APP: variants seen among roughly 807,000 people sequenced by gnomAD.
APP encodes amyloid-beta precursor protein.
APP carries 31 observed loss-of-function variants against 101.4 expected under a neutral mutation model. The ratio of observed to expected loss-of-function variants is 0.31; its 90% CI spans 0.23 to 0.41. The LOEUF (loss-of-function observed/expected upper bound fraction) is 0.41, where lower values mean the gene tolerates loss of function less well. APP is among the 10% of genes least tolerant of loss of function. The pLI is 1.00. For synonymous variants in APP, 366 were observed against 364.4 expected (o/e 1.00, Z -0.05); for missense variants, 839 against 1,003.7 (o/e 0.84, Z 2.22).
chr21:26,164,742 G>C (rs1302369600), intron 1 of APP, among the ~76,000 whole-genome samples: 1 of 151,850 alleles, frequency 6.6e-6, no homozygotes, highest in African/African-American at 2.4e-5. Flanking sequence ...CATAGTCCCA[G>C]CTACTCAGGA....
At chr21:25,994,515 ATT>A (rs2042980802) in intron 8 of APP, among the ~76,000 whole-genome samples, 1 of 152,196 alleles carries the variant, frequency 6.6e-6, no homozygotes, top group Non-Finnish European at 1.5e-5. Context: ...ATGGCAAATT[ATT>A]GTTTTTATAA....
intron 9 of APP, among the ~76,000 whole-genome samples, chr21:25,980,301 G>C (rs1011229949): frequency 6.6e-6 from 1 of 152,192 alleles, no homozygotes; most frequent in South Asian, 2.1e-4. Flanking sequence ...CATGTGCCCA[G>C]AAGTGGATTT....
intron 8 of APP, among the ~76,000 whole-genome samples, chr21:25,994,812 T>C (rs1467692124): frequency 2.0e-5 from 3 of 152,248 alleles, no homozygotes; most frequent in African/African-American, 4.8e-5. Context: ...CAGATGACCA[T>C]GACTTTTTCA....
chr21:26,027,977 T>G (rs1361713425), intron 5 of APP, among the ~76,000 whole-genome samples: 2 of 151,770 alleles, frequency 1.3e-5, no homozygotes, highest in African/African-American at 4.8e-5. Flanking sequence ...GGCAGATCAC[T>G]TGGGGCCAGG....
intron 11 of APP, among the ~76,000 whole-genome samples, chr21:25,967,732 C>T (rs1163928494): frequency 1.3e-5 from 2 of 152,178 alleles, no homozygotes; most frequent in East Asian, 1.9e-4. Context: ...GGGAAAGGCT[C>T]AGACAGCATT....
chr21:26,109,781 T>C (rs1023360586), intron 2 of APP, among the ~76,000 whole-genome samples: 4 of 152,084 alleles, frequency 2.6e-5, no homozygotes, highest in African/African-American at 9.7e-5. Flanking sequence ...TACGTGAAAC[T>C]AAGGGAAGAA....
At chr21:26,131,252 T>C (rs887330000) in intron 1 of APP, among the ~76,000 whole-genome samples, 1 of 151,356 alleles carries the variant, frequency 6.6e-6, no homozygotes, top group Non-Finnish European at 1.5e-5. Flanking sequence ...AATAAATAAA[T>C]AAATTAATTA....
At chr21:26,003,815 C>T (rs879867636) in intron 6 of APP, among the ~76,000 whole-genome samples, 24 of 152,156 alleles carry the variant, frequency 1.6e-4, no homozygotes, top group Non-Finnish European at 3.1e-4. Context: ...TCTCACTTCC[C>T]AACACTTTCC....
chr21:26,047,610 A>AT (rs1043688167), intron 5 of APP, among the ~76,000 whole-genome samples: 3 of 152,214 alleles, frequency 2.0e-5, no homozygotes, highest in African/African-American at 4.8e-5. Context: ...ATCCAAACCA[A>AT]TTTTTTTAAA....
intron 17 of APP, among the ~76,000 whole-genome samples, chr21:25,891,092 T>C (rs751997657): frequency 2.0e-5 from 3 of 152,216 alleles, no homozygotes; most frequent in Admixed American, 6.5e-5. Context: ...CTTTCTCTCT[T>C]TCTTGTTTTA....
chr21:26,025,142 C>T lies in APP; in HGVS notation c.663-3100G>A, dbSNP rs113407022. On this transcript the variant is annotated intron_variant, in intron 5 of 17. Coordinates refer to ENST00000346798, the MANE Select transcript of APP (RefSeq NM_000484.4). ...TTTTTTGACTGCCCAAATTATTGCA[C>T]GAAAGTTTACTACGTGGGGCTACAT... Among the ~76,000 whole-genome samples the T allele has an allele frequency of 4.1e-3, 628 of 152,120 alleles. 8 individuals are homozygous for T. The highest frequency in any genetic ancestry group is 0.013 in the African/African-American group (559 of 41,474).
intron 1 of APP, among the ~76,000 whole-genome samples, chr21:26,157,652 C>T (rs1262139307): frequency 6.6e-6 from 1 of 152,168 alleles, no homozygotes; most frequent in African/African-American, 2.4e-5. Context: ...AGCATACTTT[C>T]TGTGACGTAT....
intron 6 of APP, among the ~76,000 whole-genome samples, chr21:26,003,665 G>A (rs1025981288): frequency 6.6e-6 from 1 of 152,214 alleles, no homozygotes; most frequent in African/African-American, 2.4e-5. Flanking sequence ...CAGCTACCTT[G>A]TCCAACTGGT....
At chr21:26,041,696 C>T (rs1335195703) in intron 5 of APP, among the ~76,000 whole-genome samples, 3 of 152,006 alleles carry the variant, frequency 2.0e-5, no homozygotes, top group South Asian at 2.1e-4. Context: ...GGCATCTCCT[C>T]TTCCAGCCAT....
chr21:25,971,042 C>T (rs370078248), intron 11 of APP, among the ~76,000 whole-genome samples: 10 of 152,090 alleles, frequency 6.6e-5, no homozygotes, highest in African/African-American at 9.6e-5. Context: ...TATTCATATA[C>T]AAACAGCGTT....
intron 1 of APP, among the ~76,000 whole-genome samples, chr21:26,125,193 G>A (rs1486946127): frequency 1.3e-5 from 2 of 152,202 alleles, no homozygotes; most frequent in Non-Finnish European, 2.9e-5. Context: ...TGAAGTCACT[G>A]GGAGCTGCTG....
intron 13 of APP, among the ~76,000 whole-genome samples, chr21:25,925,180 C>G (rs1439517996): frequency 1.2e-4 from 1 of 8,146 alleles, no homozygotes; most frequent in Admixed American, 1.8e-3. Context: ...CAAGCGGTCA[C>G]CCACTTCCAG....
At chr21:25,891,287 A>T (rs1290291027) in intron 17 of APP, among the ~76,000 whole-genome samples, 1 of 152,160 alleles carries the variant, frequency 6.6e-6, no homozygotes, top group Non-Finnish European at 1.5e-5. Context: ...TTGTATTGAG[A>T]GGCCAGACTA....
At chr21:26,063,842 A>G (rs1323685927) in intron 3 of APP, among the ~76,000 whole-genome samples, 1 of 152,254 alleles carries the variant, frequency 6.6e-6, no homozygotes, top group African/African-American at 2.4e-5. Flanking sequence ...AGTAGAGCAC[A>G]TAAAGTGGGA....
Sources: gnomAD v4.1 joint callset for allele counts (sites outside exome capture counted in the v4.1 genomes callset) on GRCh38, gnomAD v4.1.1 for gene constraint, MANE v1.5 for transcripts, NCBI Gene and HGNC (gene_info 2026-07-23, HGNC 2026-07-21) for gene names.